Variants in CMSS1 observed in about 807,000 individuals in gnomAD.
CMSS1 encodes protein CMSS1.
CMSS1 carries 33 observed loss-of-function variants against 43.5 expected under a neutral mutation model. The observed-to-expected ratio is 0.76, with a 90% confidence interval of 0.57 to 1.01. The LOEUF is 1.01. Ranked by LOEUF, CMSS1 falls within the 50% of genes least tolerant of loss-of-function variation. The pLI is 0.00. For missense variants in CMSS1, 313 were observed against 326.4 expected, an observed-to-expected ratio of 0.96 and a Z score of 0.32; for synonymous variants, 115 against 117.2, an observed-to-expected ratio of 0.98 and a Z score of 0.12.
intron 1 of CMSS1, among the ~76,000 whole-genome samples, chr3:99,827,996 T>C (rs546927219): frequency 1.1e-4 from 17 of 152,266 alleles, no homozygotes; most frequent in African/African-American, 3.9e-4. Context: ...AAATGTACTT[T>C]AGGAAGTCTC....
intron 1 of CMSS1, chr3:99,924,276 C>G (rs917214648): frequency 1.9e-6 from 3 of 1,613,976 alleles, no homozygotes; most frequent in African/African-American, 1.3e-5. Flanking sequence ...TCACTCTTCT[C>G]CATGTATTCT....
At chr3:100,072,385 C>G (rs771885205) in intron 1 of CMSS1, among the ~76,000 whole-genome samples, 1 of 152,212 alleles carries the variant, frequency 6.6e-6, no homozygotes, top group Non-Finnish European at 1.5e-5. Flanking sequence ...CTCCTTGATT[C>G]AGGCTTGGAG....
chr3:100,054,513 TTA>T (rs1324380253), intron 1 of CMSS1, among the ~76,000 whole-genome samples: 2 of 151,878 alleles, frequency 1.3e-5, no homozygotes, highest in South Asian at 2.1e-4. Context: ...TTATGTTATG[TTA>T]TGTTATGTTA....
intron 1 of CMSS1, among the ~76,000 whole-genome samples, chr3:100,128,002 A>T (rs1434357335): frequency 6.6e-6 from 1 of 152,218 alleles, no homozygotes; most frequent in Non-Finnish European, 1.5e-5. Flanking sequence ...GAGTTTCTGC[A>T]CTATCTGTGT....
At chr3:99,888,461 G>T (rs886297175) in intron 1 of CMSS1, among the ~76,000 whole-genome samples, 1 of 152,128 alleles carries the variant, frequency 6.6e-6, no homozygotes, top group Admixed American at 6.5e-5. Context: ...AGAAAAGTTG[G>T]TGGCTGGGTA....
intron 6 of CMSS1, 78 bp from the exon 7 acceptor site, chr3:100,171,761 A>C (rs2067111935): frequency 2.5e-5 from 28 of 1,131,926 alleles, no homozygotes; most frequent in Non-Finnish European, 3.8e-5. Flanking sequence ...TGAATAAAGC[A>C]AGACATAATA....
chr3:99,849,608 C>T, intron 1 of CMSS1: 3 of 1,613,438 alleles, frequency 1.9e-6, no homozygotes, highest in Non-Finnish European at 2.5e-6. Context: ...GTCTTTTCTG[C>T]TAACTTGTAC....
At chr3:100,095,511 A>T (rs2066189935) in intron 1 of CMSS1, among the ~76,000 whole-genome samples, 1 of 152,192 alleles carries the variant, frequency 6.6e-6, no homozygotes, top group Non-Finnish European at 1.5e-5. Context: ...GAGAACATGC[A>T]TTGGAGAAAA....
In CMSS1 at chr3:99,863,954, C is replaced by T. The variant is rs77583463; in HGVS notation, c.64+45911C>T. On this transcript the variant is annotated intron_variant, in intron 1 of 9. Transcript: ENST00000421999. The stretch of plus-strand genomic sequence containing the variant: ...TTTCTTGGAGATCTTTCCATTGGAT[C>T]AGTGTTCTTAAGCAGGAGCAGGAAA... 8.8e-3 allele frequency among the ~76,000 whole-genome samples: 1,345 copies of T among 152,214 alleles called. 12 individuals are homozygous for T. The highest frequency in any genetic ancestry group is 0.014 in the Non-Finnish European group (924 of 68,006).
chr3:99,947,666 A>G (rs1219776246), intron 1 of CMSS1, among the ~76,000 whole-genome samples: 1 of 152,146 alleles, frequency 6.6e-6, no homozygotes, highest in Admixed American at 6.5e-5. Flanking sequence ...TCATTATTCT[A>G]CCTCCCCTCT....
chr3:99,937,220 G>A (rs924488272), intron 1 of CMSS1, among the ~76,000 whole-genome samples: 4 of 152,290 alleles, frequency 2.6e-5, no homozygotes, highest in Middle Eastern at 3.4e-3. Context: ...TTACAGGTAT[G>A]AGCCACCATG....
intron 1 of CMSS1, among the ~76,000 whole-genome samples, chr3:99,889,799 C>T (rs773247860): frequency 6.6e-6 from 1 of 151,824 alleles, no homozygotes. Flanking sequence ...TATATTAATC[C>T]TCCTCCAAAA....
chr3:100,067,166 CGTTTGTTT>C (rs4062235), intron 1 of CMSS1, among the ~76,000 whole-genome samples: 34 of 150,982 alleles, frequency 2.3e-4, no homozygotes, highest in Admixed American at 4.6e-4. Flanking sequence ...TTTTTGATCT[CGTTTGTTT>C]GTTTGTTTGT....
At chr3:99,976,941 G>A (rs542384952) in intron 1 of CMSS1, among the ~76,000 whole-genome samples, 1 of 152,310 alleles carries the variant, frequency 6.6e-6, no homozygotes, top group South Asian at 2.1e-4. Context: ...GTCTGTGAGT[G>A]AGTTTGAACT....
chr3:99,945,634 C>T (rs1168797846), intron 1 of CMSS1, among the ~76,000 whole-genome samples: 4 of 152,204 alleles, frequency 2.6e-5, no homozygotes, highest in Non-Finnish European at 5.9e-5. Flanking sequence ...CTAAACTAAG[C>T]TCTTTGTGTT....
intron 1 of CMSS1, among the ~76,000 whole-genome samples, chr3:99,859,327 T>TA: frequency 6.6e-6 from 1 of 152,232 alleles, no homozygotes; most frequent in Non-Finnish European, 1.5e-5. Flanking sequence ...TGATCATACT[T>TA]ACAGTATTCT....
chr3:100,179,265 T>C lies in CMSS1; in HGVS notation c.*877T>C, dbSNP rs1347076942. The C allele has an allele frequency of 2.6e-5, 4 of 152,244 alleles. No homozygotes were observed. The highest frequency in any genetic ancestry group is 4.4e-5 in the Non-Finnish European group (3 of 68,044). 9.4% of individuals were successfully genotyped at this position (152,244 alleles called of 1,614,324 possible). A position where few individuals can be genotyped will look rare whatever the true frequency, so the allele number is the denominator to read the frequency against. On this transcript the variant is annotated 3_prime_UTR_variant, in exon 10 of 10. Transcript: ENST00000421999. ...TTCCAAATTTCATGTTCTTCTCACA[T>C]TTCAAAACACAATCATGCCTTCTCA... is the stretch of plus-strand genomic sequence containing the variant.
chr3:99,926,106 T>C (rs2107656481), intron 1 of CMSS1, among the ~76,000 whole-genome samples: 1 of 152,358 alleles, frequency 6.6e-6, no homozygotes, highest in African/African-American at 2.4e-5. Context: ...TCATTGTGAA[T>C]TTAAAGCCAA....
chr3:100,139,011 C>A (rs905424597), intron 1 of CMSS1, among the ~76,000 whole-genome samples: 1 of 152,126 alleles, frequency 6.6e-6, no homozygotes, highest in African/African-American at 2.4e-5. Flanking sequence ...ACTACGCAAC[C>A]ACAAAATGAA....
Sources: allele counts gnomAD v4.1 joint callset (sites outside exome capture counted in the v4.1 genomes callset), GRCh38; gene constraint gnomAD v4.1.1; transcripts MANE v1.5; gene names NCBI Gene and HGNC (gene_info 2026-07-23, HGNC 2026-07-21).